The following XKR9 variants were observed in gnomAD, a reference collection of about 807,000 sequenced individuals.
The protein encoded by XKR9 is XK related 9.
In XKR9, 32 loss-of-function variants were observed where a neutral mutation model predicts 32.0. The ratio of observed to expected loss-of-function variants is 1.00; its 90% CI spans 0.76 to 1.34. XKR9 has a LOEUF of 1.34. XKR9 is among the 40% of genes most tolerant of loss of function. The pLI is 0.00. For missense variants in XKR9, 546 were observed against 429.7 expected (o/e 1.27, Z -2.39); for synonymous variants, 168 against 143.4 (o/e 1.17, Z -1.22).
the XKR9 span, among the ~76,000 whole-genome samples, chr8:70,918,857 A>G: frequency 7.8e-6 from 1 of 128,564 alleles, no homozygotes; most frequent in African/African-American, 3.0e-5. Context: ...GGCTCACTGC[A>G]AGCTCCACCT....
chr8:70,699,316 G>T (rs1167661634), intron 3 of XKR9, among the ~76,000 whole-genome samples: 1 of 152,186 alleles, frequency 6.6e-6, no homozygotes, highest in Non-Finnish European at 1.5e-5. Flanking sequence ...TGCAGTGGCT[G>T]GTACCGGTTG....
chr8:71,055,767 G>C, the XKR9 span, among the ~76,000 whole-genome samples: 5 of 152,208 alleles, frequency 3.3e-5, no homozygotes, highest in South Asian at 8.3e-4. Flanking sequence ...AAGTTTGGGG[G>C]CCCATCTTCA....
chr8:71,041,156 A>G, the XKR9 span, among the ~76,000 whole-genome samples: 1 of 152,162 alleles, frequency 6.6e-6, no homozygotes, highest in Non-Finnish European at 1.5e-5. Context: ...TGATATCAAG[A>G]CAACCACTAG....
chr8:70,738,247 T>G (rs1469288867), downstream of XKR9, among the ~76,000 whole-genome samples: 1 of 142,170 alleles, frequency 7.0e-6, no homozygotes, highest in African/African-American at 2.5e-5. Flanking sequence ...ATTTTCTAGT[T>G]TATTTGTGTA....
the XKR9 span, among the ~76,000 whole-genome samples, chr8:71,005,067 A>ACTC: frequency 0.43 from 57,501 of 132,648 alleles, 13,156 homozygotes; most frequent in Middle Eastern, 0.52. Flanking sequence ...CTGGTCTTGA[A>ACTC]CTGGCTTCCC....
At chr8:70,919,755 G>C in the XKR9 span, among the ~76,000 whole-genome samples, 1 of 152,262 alleles carries the variant, frequency 6.6e-6, no homozygotes, top group African/African-American at 2.4e-5. Flanking sequence ...GTCAGGAACT[G>C]TCTGTATGCA....
At chr8:70,739,601 G>A (rs1462742391), downstream of XKR9, among the ~76,000 whole-genome samples, 1 of 152,064 alleles carries the variant, frequency 6.6e-6, no homozygotes, top group African/African-American at 2.4e-5. Context: ...TGCAGTGGCT[G>A]GTACCGGTTG....
the XKR9 span, among the ~76,000 whole-genome samples, chr8:71,022,785 G>A: frequency 6.6e-6 from 1 of 152,082 alleles, no homozygotes; most frequent in African/African-American, 2.4e-5. Context: ...ACTCATGTAG[G>A]CCTTCTTCAT....
chr8:70,811,202 A>G, the XKR9 span, among the ~76,000 whole-genome samples: 3 of 152,142 alleles, frequency 2.0e-5, no homozygotes, highest in Non-Finnish European at 4.4e-5. Flanking sequence ...TGGGTACATA[A>G]CGAAATGAAG....
At chr8:70,901,689 CT>C in the XKR9 span, among the ~76,000 whole-genome samples, 3 of 152,128 alleles carry the variant, frequency 2.0e-5, no homozygotes, top group African/African-American at 7.2e-5. Flanking sequence ...TCAATTTTGT[CT>C]TTTGTTGCCA....
chr8:70,711,575 T>C (rs1805921494), intron 4 of XKR9, among the ~76,000 whole-genome samples: 1 of 152,100 alleles, frequency 6.6e-6, no homozygotes, highest in Non-Finnish European at 1.5e-5. Context: ...AGCTAAACAT[T>C]GAGTACACAT....
the XKR9 span, among the ~76,000 whole-genome samples, chr8:70,817,630 A>T: frequency 6.6e-6 from 1 of 152,164 alleles, no homozygotes. Flanking sequence ...AAAAATTCTA[A>T]AATTCATATG....
At chr8:70,988,214 T>C in the XKR9 span, among the ~76,000 whole-genome samples, 1 of 151,856 alleles carries the variant, frequency 6.6e-6, no homozygotes, top group Non-Finnish European at 1.5e-5. Flanking sequence ...GAGACTTGGG[T>C]GGGGACACAC....
chr8:70,883,035 A>G, the XKR9 span, among the ~76,000 whole-genome samples: 1 of 151,728 alleles, frequency 6.6e-6, no homozygotes, highest in African/African-American at 2.4e-5. Context: ...TACATGGATG[A>G]GTTCTATAAT....
At chr8:70,939,342 G>A in the XKR9 span, among the ~76,000 whole-genome samples, 1 of 152,086 alleles carries the variant, frequency 6.6e-6, no homozygotes, top group African/African-American at 2.4e-5. Flanking sequence ...GAGCTTCTGT[G>A]TTGAGTTAAT....
At chr8:70,983,491 C>T in the XKR9 span, among the ~76,000 whole-genome samples, 1 of 152,138 alleles carries the variant, frequency 6.6e-6, no homozygotes, top group Non-Finnish European at 1.5e-5. Flanking sequence ...ATGGTGGATG[C>T]TTTATCAGGC....
chr8:70,869,386 A>G, the XKR9 span, among the ~76,000 whole-genome samples: 1 of 152,232 alleles, frequency 6.6e-6, no homozygotes, highest in Non-Finnish European at 1.5e-5. Flanking sequence ...AGAGTAAGTT[A>G]CATCTTACAT....
chr8:70,695,996 G>A (rs1161542864), intron 3 of XKR9, among the ~76,000 whole-genome samples: 2 of 151,192 alleles, frequency 1.3e-5, no homozygotes, highest in Non-Finnish European at 2.9e-5. Context: ...AGAAGTGTCT[G>A]TTCATGTCCT....
chr8:70,759,852 A>C (rs1807284356), intron 2 of XKR9, among the ~76,000 whole-genome samples: 1 of 152,218 alleles, frequency 6.6e-6, no homozygotes, highest in Non-Finnish European at 1.5e-5. Context: ...ATAAAAGAGC[A>C]CTTAACTTTC....
Sources: gnomAD v4.1 joint callset for allele counts (sites outside exome capture counted in the v4.1 genomes callset) on GRCh38, gnomAD v4.1.1 for gene constraint, MANE v1.5 for transcripts, NCBI Gene and HGNC (gene_info 2026-07-23, HGNC 2026-07-21) for gene names.